PLGRKT: variants seen among roughly 807,000 people sequenced by gnomAD.
PLGRKT encodes the protein plasminogen receptor with a C-terminal lysine, also known as plasminogen receptor (KT).
Under a neutral mutation model 18.5 loss-of-function variants are expected in PLGRKT, and 22 were observed. That is an observed-to-expected ratio of 1.19 (90% confidence interval 0.85 to 1.70). The LOEUF (loss-of-function observed/expected upper bound fraction) is 1.70, where lower values mean the gene tolerates loss of function less well. Ranked by LOEUF, PLGRKT falls within the 40% of genes most tolerant of loss-of-function variation. PLGRKT has a pLI of 0.00. For synonymous variants in PLGRKT, 72 were observed against 52.8 expected, an observed-to-expected ratio of 1.36 and a Z score of -1.58; for missense variants, 235 against 174.4, an observed-to-expected ratio of 1.35 and a Z score of -1.96.
At position 5,390,237 on chromosome 9, in the gene PLGRKT, ATG is replaced by A. The variant is rs377656002; in HGVS notation, c.82-28351_82-28350del. Among the ~76,000 whole-genome samples the A allele has an allele frequency of 8.6e-3, 696 of 80,820 alleles. 7 individuals carry two copies. Among genetic ancestry groups the A allele is most frequent in the Middle Eastern group, 0.015 (2 of 132 alleles). 53.0% of individuals were successfully genotyped at this position (80,820 alleles called of 152,430 possible). ...TGTGCGTGTGTGTGTGTGTGTGTGT[ATG>A]TGTATATATATATATATATTTGCCT... is the stretch of plus-strand genomic sequence containing the variant. On this transcript the variant is annotated intron_variant, in intron 3 of 5. Transcript: ENST00000223864.
intron 3 of PLGRKT, among the ~76,000 whole-genome samples, chr9:5,416,498 C>G (rs1024274067): frequency 1.3e-5 from 2 of 152,060 alleles, no homozygotes; most frequent in African/African-American, 2.4e-5. Context: ...ACCTGAAACC[C>G]TACATATAGT....
intron 3 of PLGRKT, among the ~76,000 whole-genome samples, chr9:5,378,148 G>A (rs1278909561): frequency 1.3e-5 from 2 of 152,126 alleles, no homozygotes; most frequent in Non-Finnish European, 2.9e-5. Context: ...ATTTGAACAG[G>A]CAACCAAGGG....
At position 5,378,307 on chromosome 9, in the gene PLGRKT, A is replaced by G. The variant is rs939446548; in HGVS notation, c.82-16419T>C. Reference sequence around the variant, plus strand: ...ATGAGAACCTTCCTTCCCTATTCCCAGATGTATCTCTGAAGGGAGACACAT... The same window carrying G: ...ATGAGAACCTTCCTTCCCTATTCCCGGATGTATCTCTGAAGGGAGACACAT... On this transcript the variant is annotated intron_variant, in intron 3 of 5. Coordinates refer to ENST00000223864, the MANE Select transcript of PLGRKT (RefSeq NM_018465.4). Among the ~76,000 whole-genome samples, 128 of 152,256 alleles carry G rather than the reference A, an allele frequency of 8.4e-4. 1 individual carries two copies. Among genetic ancestry groups the G allele is most frequent in the African/African-American group, 3.0e-3 (125 of 41,482 alleles).
intron 3 of PLGRKT, among the ~76,000 whole-genome samples, chr9:5,368,463 A>C (rs959466935): frequency 1.3e-5 from 2 of 152,122 alleles, no homozygotes; most frequent in African/African-American, 4.8e-5. Flanking sequence ...CCATTATCCT[A>C]AGTGAATTAA....
At chr9:5,376,150 G>A (rs1421529528) in intron 3 of PLGRKT, among the ~76,000 whole-genome samples, 3 of 152,164 alleles carry the variant, frequency 2.0e-5, no homozygotes, top group East Asian at 3.8e-4. Flanking sequence ...CAAATTAATA[G>A]AGAGAGACAG....
At chr9:5,397,569 G>C (rs1818076000) in intron 3 of PLGRKT, among the ~76,000 whole-genome samples, 1 of 151,594 alleles carries the variant, frequency 6.6e-6, no homozygotes, top group Non-Finnish European at 1.5e-5. Flanking sequence ...AGGAAAGAAA[G>C]AAGGGATGGA....
rs921366225 is a variant in PLGRKT at position 5,418,269 on chromosome 9, A to T, written c.81+13628T>A. 2 of 438,518 alleles carry T rather than the reference A, an allele frequency of 4.6e-6. No individual in the cohort carries two copies. Among genetic ancestry groups the T allele is most frequent in the Admixed American group, 3.0e-5 (1 of 33,772 alleles). The allele number at this position is 438,518 out of a possible 1,614,324, so 27.2% of individuals were successfully genotyped here. ...AACCAGAGGCCAGCTCTCAGCACCA[A>T]ATGGTCAGTGTCGCCCCCTCATCTT... On this transcript the variant is annotated intron_variant, in intron 3 of 5. Transcript: ENST00000223864. This position sits in a 1 kb window ranked among gnomAD's most constrained non-coding sequence, Gnocchi z 4.2.
chr9:5,429,877 G>A (rs1412488396), intron 3 of PLGRKT, among the ~76,000 whole-genome samples: 1 of 152,178 alleles, frequency 6.6e-6, no homozygotes, highest in Non-Finnish European at 1.5e-5. Context: ...ATGGAGGCTT[G>A]TAACTCCCAG....
chr9:5,394,952 C>A (rs1435013176), intron 3 of PLGRKT, among the ~76,000 whole-genome samples: 1 of 151,754 alleles, frequency 6.6e-6, no homozygotes, highest in South Asian at 2.1e-4. Flanking sequence ...GGCAGAGGGG[C>A]CCCCATTCTG....
chr9:5,358,687 A>G (rs1817193152), intron 5 of PLGRKT, among the ~76,000 whole-genome samples: 1 of 152,234 alleles, frequency 6.6e-6, no homozygotes, highest in Non-Finnish European at 1.5e-5. Flanking sequence ...TAGAGAAACC[A>G]CACATAGTCT....
At chr9:5,389,088 T>G (rs1817897988) in intron 3 of PLGRKT, among the ~76,000 whole-genome samples, 1 of 151,834 alleles carries the variant, frequency 6.6e-6, no homozygotes. Context: ...GACATGGACT[T>G]GTGTTAGATA....
intron 2 of PLGRKT, among the ~76,000 whole-genome samples, chr9:5,432,796 T>C (rs1011517957): frequency 3.3e-5 from 5 of 152,222 alleles, no homozygotes; most frequent in African/African-American, 1.2e-4. Context: ...GCTCATTCAG[T>C]GCTCAATGTT....
At chr9:5,423,103 A>G (rs10491647) in intron 3 of PLGRKT, among the ~76,000 whole-genome samples, 141,137 of 152,266 alleles carry the variant, frequency 0.93, 65,662 homozygotes, top group African/African-American at 0.98. Context: ...GCACTTAGAA[A>G]ACATTTGAAG....
chr9:5,408,539 C>T (rs1420722428), intron 3 of PLGRKT, among the ~76,000 whole-genome samples: 1 of 152,296 alleles, frequency 6.6e-6, no homozygotes, highest in African/African-American at 2.4e-5. Flanking sequence ...AAGAAATGAC[C>T]TAAAACTGGA....
At chr9:5,359,731 C>T (rs889714482) in intron 5 of PLGRKT, among the ~76,000 whole-genome samples, 6 of 152,116 alleles carry the variant, frequency 3.9e-5, no homozygotes, top group Non-Finnish European at 7.4e-5. Flanking sequence ...GAAATTCCCA[C>T]AAAAATTTCC....
rs571160674 is a variant in PLGRKT, at chr9:5,370,864, T to A, written c.82-8976A>T. ...TTAACCTTAACTTGCTTGACGGATA[T>A]GTTAAATGTTCAATGTCCAGTCTAG... is the stretch of plus-strand genomic sequence containing the variant. On this transcript the variant is annotated intron_variant, in intron 3 of 5. Coordinates refer to ENST00000223864, the MANE Select transcript of PLGRKT (RefSeq NM_018465.4). Among the ~76,000 whole-genome samples the A allele has an allele frequency of 2.0e-5, 3 of 152,280 alleles. No individual in the cohort carries two copies. In the East Asian group the frequency reaches 5.8e-4, roughly 29 times the overall value.
intron 3 of PLGRKT, among the ~76,000 whole-genome samples, chr9:5,380,424 G>A (rs1586712333): frequency 6.8e-6 from 1 of 147,470 alleles, no homozygotes; most frequent in African/African-American, 2.5e-5. Context: ...ATCCTGTATT[G>A]TACTTATGAT....
intron 3 of PLGRKT, among the ~76,000 whole-genome samples, chr9:5,375,215 C>G (rs940216755): frequency 6.6e-6 from 1 of 152,198 alleles, no homozygotes; most frequent in African/African-American, 2.4e-5. Flanking sequence ...GTCACACTGA[C>G]TTCCTTTGCT....
At chr9:5,429,889 T>A (rs1818786563) in intron 3 of PLGRKT, among the ~76,000 whole-genome samples, 1 of 152,178 alleles carries the variant, frequency 6.6e-6, no homozygotes, top group Admixed American at 6.5e-5. Flanking sequence ...AACTCCCAGG[T>A]CTGACATCTC....
Sources: allele counts gnomAD v4.1 joint callset (sites outside exome capture counted in the v4.1 genomes callset), GRCh38; gene constraint gnomAD v4.1.1; non-coding constraint Gnocchi (gnomAD v3.1); transcripts MANE v1.5; gene names NCBI Gene and HGNC (gene_info 2026-07-23, HGNC 2026-07-21).